Variants in ROBO2 observed in about 807,000 individuals in gnomAD.
The protein encoded by ROBO2 is roundabout guidance receptor 2, also known as roundabout homolog 2.
Under a neutral mutation model 160.8 loss-of-function variants are expected in ROBO2, and 53 were observed. The ratio of observed to expected loss-of-function variants is 0.33; its 90% CI spans 0.26 to 0.41. The LOEUF (loss-of-function observed/expected upper bound fraction) is 0.41, where lower values mean the gene tolerates loss of function less well. Among genes scored for constraint, ROBO2 ranks in the 10% least tolerant of loss-of-function variants. ROBO2 has a pLI of 1.00. For missense variants in ROBO2, 1,577 were observed against 1,722.4 expected, an observed-to-expected ratio of 0.92 and a Z score of 1.49; for synonymous variants, 664 against 611.7, an observed-to-expected ratio of 1.09 and a Z score of -1.26.
chr3:76,440,078 C>A (rs192239194), intron 2 of ROBO2, among the ~76,000 whole-genome samples: 1 of 152,036 alleles, frequency 6.6e-6, no homozygotes, highest in Non-Finnish European at 1.5e-5. Context: ...TCTGAACTAC[C>A]ATGGATGAAT....
At position 77,110,350 on chromosome 3, in the gene ROBO2, A is replaced by T. The variant is rs117966458; in HGVS notation, c.388+12010A>T. Reference sequence around the variant, plus strand: ...TTGAGTCATTAACATATTTATATGCATTATTTCATTGCTATATGTATTTGT... The same window carrying T: ...TTGAGTCATTAACATATTTATATGCTTTATTTCATTGCTATATGTATTTGT... On this transcript the variant is annotated intron_variant, in intron 2 of 25. Coordinates refer to ENST00000461745, the Ensembl canonical transcript of ROBO2. Among the ~76,000 whole-genome samples the T allele has an allele frequency of 1.6e-3, 248 of 152,252 alleles. 2 individuals carry two copies. In the East Asian group the frequency reaches 0.043, roughly 26 times the overall value.
intron 2 of ROBO2, among the ~76,000 whole-genome samples, chr3:76,934,491 C>G (rs372280147): frequency 6.6e-6 from 1 of 151,986 alleles, no homozygotes; most frequent in African/African-American, 2.4e-5. Flanking sequence ...ACCTATAATC[C>G]GAGCACTTTA....
intron 2 of ROBO2, among the ~76,000 whole-genome samples, chr3:77,272,819 G>T (rs1336613307): frequency 6.6e-6 from 1 of 151,934 alleles, no homozygotes; most frequent in East Asian, 1.9e-4. Context: ...CAATTTTTAG[G>T]TTGTAGTCTC....
intron 2 of ROBO2, among the ~76,000 whole-genome samples, chr3:76,007,601 T>C (rs191423475): frequency 1.8e-3 from 270 of 152,300 alleles, no homozygotes; most frequent in African/African-American, 6.3e-3. Context: ...AAGTAAATGG[T>C]ACCACTTGTA....
At chr3:76,607,755 C>T (rs2087772587) in intron 2 of ROBO2, among the ~76,000 whole-genome samples, 1 of 152,182 alleles carries the variant, frequency 6.6e-6, no homozygotes, top group Non-Finnish European at 1.5e-5. Context: ...ACCTATCACC[C>T]AGCAAATATT....
chr3:77,277,001 G>A (rs549405267), intron 2 of ROBO2, among the ~76,000 whole-genome samples: 30 of 152,132 alleles, frequency 2.0e-4, no homozygotes, highest in African/African-American at 6.7e-4. Context: ...TTGACTCATG[G>A]GGATTATTGC....
chr3:77,032,727 A>T (rs1413032126), intron 2 of ROBO2, among the ~76,000 whole-genome samples: 1 of 152,054 alleles, frequency 6.6e-6, no homozygotes, highest in Non-Finnish European at 1.5e-5. Context: ...CTGCTTACAC[A>T]CTCATCCTGA....
At chr3:76,905,686 T>C (rs1321673257) in intron 2 of ROBO2, among the ~76,000 whole-genome samples, 1 of 152,168 alleles carries the variant, frequency 6.6e-6, no homozygotes, top group African/African-American at 2.4e-5. Flanking sequence ...TTATAACTCA[T>C]ATGTAAAAAC....
At chr3:76,545,271 G>T (rs1282475277) in intron 2 of ROBO2, among the ~76,000 whole-genome samples, 1 of 152,038 alleles carries the variant, frequency 6.6e-6, no homozygotes, top group Middle Eastern at 3.4e-3. Flanking sequence ...GAAGTAAAGT[G>T]AAATTAAGGG....
chr3:77,220,837 A>G lies in ROBO2; in HGVS notation c.388+122497A>G, dbSNP rs920034719. 4.6e-5 allele frequency among the ~76,000 whole-genome samples: 7 copies of G among 151,678 alleles called. No homozygotes were observed. The East Asian group carries it at 9.6e-4, about 21-fold the overall frequency. ...CATTCATCTTTTTGAAAAAAAGATG[A>G]ATTATTGTTGAACTCACCTCCTAAG... On this transcript the variant is annotated intron_variant, in intron 2 of 25. Coordinates refer to ENST00000461745, the Ensembl canonical transcript of ROBO2.
rs188172720 is a variant in ROBO2, at chr3:76,298,680, T to A, written c.109+361078T>A. On this transcript the variant is annotated intron_variant, in intron 2 of 26. Transcript: ENST00000487694. ...AAACAACCTCATGGGATATATTTTATCTCCATGTTTAAAATGGGACACTGA... is the reference window on the plus strand; with the variant it reads ...AAACAACCTCATGGGATATATTTTAACTCCATGTTTAAAATGGGACACTGA... Among the ~76,000 whole-genome samples the A allele has an allele frequency of 7.2e-3, 1,096 of 152,310 alleles. 11 individuals are homozygous for A. The highest frequency in any genetic ancestry group is 8.1e-3 in the Non-Finnish European group (552 of 68,028).
At chr3:77,592,697 A>G (rs1434997835) in intron 17 of ROBO2, among the ~76,000 whole-genome samples, 1 of 152,030 alleles carries the variant, frequency 6.6e-6, no homozygotes, top group Admixed American at 6.5e-5. Flanking sequence ...GATTACAGGC[A>G]CTTGCCACTG....
chr3:76,193,914 A>AT (rs769464507), intron 2 of ROBO2, among the ~76,000 whole-genome samples: 28 of 152,038 alleles, frequency 1.8e-4, no homozygotes, highest in Non-Finnish European at 3.5e-4. Context: ...CATTATCACT[A>AT]TTTTTTATCA....
chr3:76,142,391 C>T (rs1484358309), intron 2 of ROBO2, among the ~76,000 whole-genome samples: 2 of 151,930 alleles, frequency 1.3e-5, no homozygotes, highest in African/African-American at 4.8e-5. Context: ...GCACTGTTTA[C>T]AGTAGCTAAA....
At chr3:76,579,701 C>T (rs2085527574) in intron 2 of ROBO2, among the ~76,000 whole-genome samples, 1 of 146,706 alleles carries the variant, frequency 6.8e-6, no homozygotes, top group African/African-American at 2.5e-5. Context: ...CAGCTGGAGC[C>T]ATATGTACGA....
At chr3:76,038,646 G>A (rs570994365) in intron 2 of ROBO2, among the ~76,000 whole-genome samples, 4 of 151,968 alleles carry the variant, frequency 2.6e-5, no homozygotes, top group Admixed American at 2.6e-4. Flanking sequence ...GTCCTACCAT[G>A]CTTCTCTCTA....
At chr3:77,497,627 T>C (rs2086974114) in intron 5 of ROBO2, among the ~76,000 whole-genome samples, 1 of 152,152 alleles carries the variant, frequency 6.6e-6, no homozygotes, top group Non-Finnish European at 1.5e-5. Flanking sequence ...TTGGGTACTG[T>C]CTGTCTTTTG....
At chr3:77,486,843 A>ACCACCAT (rs1316782100) in intron 4 of ROBO2, among the ~76,000 whole-genome samples, 1 of 151,634 alleles carries the variant, frequency 6.6e-6, no homozygotes, top group Non-Finnish European at 1.5e-5. Context: ...ACCATCCCCC[A>ACCACCAT]CCACCATGGC....
intron 2 of ROBO2, among the ~76,000 whole-genome samples, chr3:77,313,883 CA>C (rs1237941329): frequency 6.6e-6 from 1 of 152,116 alleles, no homozygotes; most frequent in African/African-American, 2.4e-5. Flanking sequence ...CGCCCCTGGC[CA>C]GGATCAGTGT....
Sources: gnomAD v4.1 joint callset for allele counts (sites outside exome capture counted in the v4.1 genomes callset) on GRCh38, gnomAD v4.1.1 for gene constraint, MANE v1.5 for transcripts, NCBI Gene and HGNC (gene_info 2026-07-23, HGNC 2026-07-21) for gene names.